Variants in KDM4B observed in about 807,000 individuals in gnomAD.
The protein encoded by KDM4B is lysine-specific demethylase 4B.
A neutral mutation model predicts 125.2 loss-of-function variants in KDM4B; 32 were observed. The ratio of observed to expected loss-of-function variants is 0.26; its 90% CI spans 0.19 to 0.34. The LOEUF (loss-of-function observed/expected upper bound fraction) is 0.34. Among genes scored for constraint, KDM4B ranks in the 10% least tolerant of loss-of-function variants. The pLI, the probability that KDM4B is intolerant of heterozygous loss-of-function variation, is 1.00. For missense variants in KDM4B, 1,190 were observed against 1,577.7 expected (o/e 0.75, Z 4.16); for synonymous variants, 721 against 677.9 (o/e 1.06, Z -0.99).
At chr19:4,970,124 C>T (rs996526160) in intron 1 of KDM4B, among the ~76,000 whole-genome samples, 1 of 152,130 alleles carries the variant, frequency 6.6e-6, no homozygotes, top group Non-Finnish European at 1.5e-5. Context: ...CCCAGGTCTG[C>T]GCTCAGTGGT....
At position 5,104,297 on chromosome 19, in the gene KDM4B, C is replaced by CTG. The variant is rs569981189; in HGVS notation, c.919-6322_919-6321dup. Among the ~76,000 whole-genome samples the CTG allele has an allele frequency of 5.2e-4, 79 of 152,372 alleles. 1 individual carries two copies. Among genetic ancestry groups the CTG allele is most frequent in the African/African-American group, 1.8e-3 (75 of 41,590 alleles). On this transcript the variant is annotated intron_variant, in intron 9 of 22. Coordinates refer to ENST00000159111, the MANE Select transcript of KDM4B (RefSeq NM_015015.3). ...GTGCTTATTTTGTCTCCCAGTTACA[C>CTG]TGTGAGCTGCTTCAGGGCAGGGCCC...
chr19:5,101,818 CT>C (rs951141576), intron 9 of KDM4B, among the ~76,000 whole-genome samples: 14 of 152,204 alleles, frequency 9.2e-5, no homozygotes, highest in Admixed American at 3.3e-4. Context: ...ACATCAGGCC[CT>C]TTGGGTCTCT....
intron 9 of KDM4B, among the ~76,000 whole-genome samples, chr19:5,101,182 A>G (rs1024243962): frequency 7.0e-6 from 1 of 142,444 alleles, no homozygotes; most frequent in African/African-American, 2.6e-5. Flanking sequence ...AGGTTGTGCC[A>G]TTGCGCTCCA....
intron 9 of KDM4B, among the ~76,000 whole-genome samples, chr19:5,104,116 C>T (rs2038989789): frequency 6.6e-6 from 1 of 152,222 alleles, no homozygotes; most frequent in Middle Eastern, 3.2e-3. Flanking sequence ...GGCCGAATCC[C>T]TGGCCAATGA....
At chr19:5,121,121 G>A (rs971173010) in intron 11 of KDM4B, among the ~76,000 whole-genome samples, 8 of 152,166 alleles carry the variant, frequency 5.3e-5, no homozygotes, top group Non-Finnish European at 1.2e-4. Context: ...CGTGGCCCTC[G>A]CAGTACTCCA....
At chr19:4,978,506 CAAAAAAAAAAAAAAAAAAA>C (rs58304162) in intron 1 of KDM4B, among the ~76,000 whole-genome samples, 2 of 36,392 alleles carry the variant, frequency 5.5e-5, no homozygotes. Context: ...GACTCTGTCT[CAAAAAAAAAAAAAAAAAAA>C]AAAAAAAAAA....
chr19:5,011,915 C>T (rs898557819), intron 1 of KDM4B, among the ~76,000 whole-genome samples: 3 of 152,204 alleles, frequency 2.0e-5, no homozygotes, highest in East Asian at 1.9e-4. Flanking sequence ...TCTCTTCTTC[C>T]GCCCCACCCG....
rs926529939 is a variant in KDM4B, at chr19:5,135,552, G to A, written c.2299G>A (p.Val767Ile). 2 of 1,595,764 alleles carry A rather than the reference G, an allele frequency of 1.3e-6. No homozygotes were observed. Among genetic ancestry groups the A allele is most frequent in the African/African-American group, 1.3e-5 (1 of 74,652 alleles). Residue 767 changes from valine (V) to isoleucine (I), a missense_variant, in exon 15 of 23, where the codon GTC becomes ATC. Coordinates refer to ENST00000159111, the MANE Select transcript of KDM4B (RefSeq NM_015015.3). ...CGCCTGCGGCAAGTGCTGCCTGCAG[G>A]TCCATGCCAGTGAGTGCCACTGTGG... is the stretch of plus-strand genomic sequence containing the variant. Reference protein sequence around the residue: ...LIACGKCCLQVHASCYGIRPE... With the variant: ...LIACGKCCLQIHASCYGIRPE...
Position 5,151,410 on chromosome 19 carries a change from G to A in KDM4B, c.3190G>A (p.Gly1064Ser). Residue 1064 changes from glycine (G) to serine (S), a missense_variant, in exon 23 of 23, where the codon GGC becomes AGC. Gly to Ser is a moderately conservative substitution (Grantham distance 56). This residue lies in a region of KDM4B where 109 missense variants were observed against 93.8 expected (regional missense o/e 1.16). Transcript: ENST00000159111. ...EAKAAKRPRV[G>S]TPLATEDSGR... ...CAAGGCCGCCAAGCGCCCGCGTGTG[G>A]GCACCCCGCTTGCCACGGAGGACTC... 1 of 1,579,794 alleles carries A rather than the reference G, an allele frequency of 6.3e-7. No homozygotes were observed. Among genetic ancestry groups the A allele is most frequent in the South Asian group, 1.2e-5 (1 of 86,376 alleles).
chr19:5,045,003 A>G (rs1343087319), intron 5 of KDM4B, among the ~76,000 whole-genome samples: 1 of 152,244 alleles, frequency 6.6e-6, no homozygotes, highest in African/African-American at 2.4e-5. Flanking sequence ...CACCTATTAA[A>G]GGACCCTTCC....
At chr19:5,046,639 TG>T (rs1253129493) in intron 5 of KDM4B, among the ~76,000 whole-genome samples, 1 of 152,174 alleles carries the variant, frequency 6.6e-6, no homozygotes, top group East Asian at 1.9e-4. Flanking sequence ...GGACGGGGTT[TG>T]TTTGCTTGTG....
chr19:5,137,358 G>T lies in KDM4B; in HGVS notation c.2385+20G>T. ...ACTGCGGTAACTCGCTCCCCGCAGC[G>T]GGGGTGGTGCTCTGAGAGGCCTGGG... is the stretch of plus-strand genomic sequence containing the variant. On this transcript the variant is annotated intron_variant, in intron 16 of 22. Coordinates refer to ENST00000159111, the MANE Select transcript of KDM4B (RefSeq NM_015015.3). 1.9e-6 allele frequency: 3 copies of T among 1,549,472 alleles called. No individual in the cohort carries two copies. Among genetic ancestry groups the T allele is most frequent in the Non-Finnish European group, 2.6e-6 (3 of 1,146,006 alleles).
rs1285798225 is a variant in KDM4B, at chr19:5,144,231, C to T, written c.2737-17C>T. The T allele has an allele frequency of 3.1e-6, 5 of 1,593,816 alleles. No homozygotes were observed. The highest frequency in any genetic ancestry group is 4.3e-6 in the Non-Finnish European group (5 of 1,171,104). On this transcript the variant is annotated splice_polypyrimidine_tract_variant and intron_variant, in intron 19 of 22. Transcript: ENST00000159111. ...CACCCGCGCTGACCGCCCCCCACACCCTCCGCACCCTCCCAGGTCCAACTC... is the reference window on the plus strand; with the variant it reads ...CACCCGCGCTGACCGCCCCCCACACTCTCCGCACCCTCCCAGGTCCAACTC...
At chr19:4,987,180 A>G (rs2034866335) in intron 1 of KDM4B, among the ~76,000 whole-genome samples, 2 of 152,228 alleles carry the variant, frequency 1.3e-5, no homozygotes, top group South Asian at 2.1e-4. Context: ...TCTGGTCTCA[A>G]ACTCCTGACC....
At chr19:5,130,038 C>A (rs927421417) in intron 11 of KDM4B, among the ~76,000 whole-genome samples, 2 of 152,226 alleles carry the variant, frequency 1.3e-5, no homozygotes, top group African/African-American at 4.8e-5. Flanking sequence ...CCTTTCCCAG[C>A]ATCTAGAGGC....
At chr19:5,094,558 G>T (rs764237073) in intron 9 of KDM4B, among the ~76,000 whole-genome samples, 1 of 152,100 alleles carries the variant, frequency 6.6e-6, no homozygotes, top group Non-Finnish European at 1.5e-5. Context: ...GTCTGTGGGC[G>T]TGGGAAGAAG....
At chr19:4,983,135 C>CTTTTTT (rs76958173) in intron 1 of KDM4B, among the ~76,000 whole-genome samples, 1 of 130,660 alleles carries the variant, frequency 7.7e-6, no homozygotes. Context: ...TTTTTCTTTT[C>CTTTTTT]TTTTTTTTTT....
rs934481556 is a variant in KDM4B, at chr19:5,052,547, G to A, written c.626+4878G>A. Among the ~76,000 whole-genome samples the A allele has an allele frequency of 5.3e-5, 8 of 152,282 alleles. No homozygotes were observed. The South Asian group carries it at 1.7e-3, about 32-fold the overall frequency. Reference sequence around the variant, plus strand: ...GGGCCTGCTCCCTTACCCCTCTGCTGCCCGCCTAACTGCCCCTCAGGACCT... The same window carrying A: ...GGGCCTGCTCCCTTACCCCTCTGCTACCCGCCTAACTGCCCCTCAGGACCT... On this transcript the variant is annotated intron_variant, in intron 6 of 22. Coordinates refer to ENST00000159111, the MANE Select transcript of KDM4B (RefSeq NM_015015.3).
In KDM4B at chr19:4,997,946, C is replaced by T. The variant is rs914316446; in HGVS notation, c.-108-18311C>T. On this transcript the variant is annotated intron_variant, in intron 1 of 22. Transcript: ENST00000159111. This position sits in a 1 kb window ranked among gnomAD's most constrained non-coding sequence, Gnocchi z 4.2. ...CCCAGACAACCATGAAATTACAAGG[C>T]AGGTTTGTAGATGCATAGATTATTT... Among the ~76,000 whole-genome samples the T allele has an allele frequency of 3.9e-5, 6 of 152,236 alleles. No homozygotes were observed. The highest frequency in any genetic ancestry group is 1.4e-4 in the African/African-American group (6 of 41,458).
Sources: gnomAD v4.1 joint callset for allele counts (sites outside exome capture counted in the v4.1 genomes callset) on GRCh38, gnomAD v4.1.1 for gene constraint, gnomAD v4.1.1 regional missense constraint, Gnocchi (gnomAD v3.1) non-coding constraint, MANE v1.5 for transcripts, NCBI Gene and HGNC (gene_info 2026-07-23, HGNC 2026-07-21) for gene names.